PDIA6: variants seen among roughly 807,000 people sequenced by gnomAD.
PDIA6 encodes protein disulfide isomerase family A member 6.
In PDIA6, 29 loss-of-function variants were observed where a neutral mutation model predicts 58.4. That is an observed-to-expected ratio of 0.50 (90% confidence interval 0.37 to 0.68). The LOEUF is 0.68. Among genes scored for constraint, PDIA6 ranks in the 30% least tolerant of loss-of-function variants. The pLI is 0.00. For missense variants in PDIA6, 480 were observed against 551.0 expected (o/e 0.87, Z 1.29); for synonymous variants, 192 against 202.6 (o/e 0.95, Z 0.44).
intron 4 of PDIA6, 92 bp downstream of exon 4, chr2:10,796,989 G>A (rs1332891818): frequency 1.9e-6 from 2 of 1,053,862 alleles, no homozygotes; most frequent in Non-Finnish European, 2.9e-6. Flanking sequence ...ATGAGGTTGA[G>A]AACCTTGCAG....
chr2:10,812,087 T>C (rs1453336309), intron 1 of PDIA6, among the ~76,000 whole-genome samples: 1 of 152,034 alleles, frequency 6.6e-6, no homozygotes, highest in East Asian at 1.9e-4. Flanking sequence ...ATTTTGTATT[T>C]TTAGTAGAGA....
Position 10,803,911 on chromosome 2 carries a change from G to GTTTTTTTTTTTTTT in PDIA6, c.20-1285_20-1272dup, listed in dbSNP as rs754643092. 3.3e-3 allele frequency among the ~76,000 whole-genome samples: 385 copies of GTTTTTTTTTTTTTT among 117,836 alleles called. 18 individuals are homozygous for GTTTTTTTTTTTTTT. The highest frequency in any genetic ancestry group is 5.4e-3 in the Middle Eastern group (1 of 186). The allele number at this position is 117,836 out of a possible 152,430, so 77.3% of individuals were successfully genotyped here. A position where few individuals can be genotyped will look rare whatever the true frequency, so the allele number is the denominator to read the frequency against. ...TGCGTGTTTGTGTCCTAGTTTTTGT[G>GTTTTTTTTTTTTTT]TTTTTTTTTTTTTTTGAGACAGAGT... On this transcript the variant is annotated intron_variant, in intron 1 of 12. Coordinates refer to ENST00000272227, the MANE Select transcript of PDIA6 (RefSeq NM_005742.4).
chr2:10,829,831 C>T (rs1018617612), intron 1 of PDIA6, among the ~76,000 whole-genome samples: 2 of 152,138 alleles, frequency 1.3e-5, no homozygotes, highest in Non-Finnish European at 2.9e-5. Context: ...GATGAGAAGT[C>T]GGGTCAAACA....
At chr2:10,806,010 A>T (rs1168873823) in intron 1 of PDIA6, among the ~76,000 whole-genome samples, 1 of 89,302 alleles carries the variant, frequency 1.1e-5, no homozygotes, top group East Asian at 3.2e-4. Flanking sequence ...TGTACCCTAA[A>T]ACTTAAAGTA....
chr2:10,816,526 CTT>C (rs201746817), upstream of PDIA6, among the ~76,000 whole-genome samples: 240 of 135,050 alleles, frequency 1.8e-3, 2 homozygotes, highest in Non-Finnish European at 2.8e-3. Context: ...TTTGTGCTTT[CTT>C]TTTTTTTTTT....
At chr2:10,806,430 G>C (rs545906781) in intron 1 of PDIA6, among the ~76,000 whole-genome samples, 1 of 147,790 alleles carries the variant, frequency 6.8e-6, no homozygotes, top group Non-Finnish European at 1.5e-5. Context: ...GCGTTTTAAG[G>C]TAAGTGTTTT....
At chr2:10,788,856 A>C in intron 9 of PDIA6, 41 bp downstream of exon 9, 2 of 1,561,298 alleles carry the variant, frequency 1.3e-6, no homozygotes, top group Non-Finnish European at 1.8e-6. Flanking sequence ...CAGAGCATCT[A>C]GCATAGAACA....
chr2:10,785,374 T>C (rs1665670766), intron 11 of PDIA6, among the ~76,000 whole-genome samples: 1 of 152,242 alleles, frequency 6.6e-6, no homozygotes, highest in Non-Finnish European at 1.5e-5. Context: ...GCGAGCTTTC[T>C]AAGACTGCTG....
intron 1 of PDIA6, among the ~76,000 whole-genome samples, chr2:10,807,486 G>A (rs1246562037): frequency 6.6e-6 from 1 of 152,082 alleles, no homozygotes; most frequent in Admixed American, 6.5e-5. Context: ...GACCACGCCA[G>A]GCCAAAATGT....
chr2:10,796,911 T>G (rs1734343), intron 4 of PDIA6, among the ~76,000 whole-genome samples, 170 bp downstream of exon 4: 61,163 of 152,072 alleles, frequency 0.4, 13,521 homozygotes, highest in Middle Eastern at 0.54. Context: ...GTGACACATA[T>G]TTCATCTTCA....
At chr2:10,820,836 A>G (rs1667362692) in intron 1 of PDIA6, 1 of 702,956 alleles carries the variant, frequency 1.4e-6, no homozygotes, top group South Asian at 1.5e-5. Context: ...GCACACCCAC[A>G]CAAGCTTCTC....
chr2:10,837,539 G>A (rs1204968558), exon 1 of PDIA6: 4 of 725,378 alleles, frequency 5.5e-6, no homozygotes, highest in South Asian at 1.5e-5. Flanking sequence ...TCCGAGCGCC[G>A]TGCAAGTATC....
At chr2:10,813,369 C>A (rs982267434), upstream of PDIA6, among the ~76,000 whole-genome samples, 2 of 152,250 alleles carry the variant, frequency 1.3e-5, no homozygotes, top group African/African-American at 4.8e-5. Flanking sequence ...CTGGAGAACC[C>A]CAGGGACTTA....
At chr2:10,834,732 C>CTCCCTCTCTCCCTCCCT (rs1217424185), upstream of PDIA6, among the ~76,000 whole-genome samples, 1 of 36,414 alleles carries the variant, frequency 2.7e-5, no homozygotes, top group Non-Finnish European at 5.2e-5. Flanking sequence ...CCTTCCTTCC[C>CTCCCTCTCTCCCTCCCT]TCCTTCCTTC....
upstream of PDIA6, chr2:10,832,625 T>A (rs1667740541): frequency 6.2e-6 from 1 of 160,742 alleles, no homozygotes; most frequent in Non-Finnish European, 1.3e-5. Flanking sequence ...AGATACAATA[T>A]TTACACTAAA....
intron 2 of PDIA6, among the ~76,000 whole-genome samples, chr2:10,802,282 A>G (rs1666543255): frequency 6.6e-6 from 1 of 152,172 alleles, no homozygotes; most frequent in Admixed American, 6.5e-5. Context: ...CTTCCTCATA[A>G]AAGCAGTTTT....
chr2:10,790,616 T>C, intron 7 of PDIA6, 103 bp downstream of exon 7: 1 of 791,534 alleles, frequency 1.3e-6, no homozygotes, highest in Admixed American at 2.3e-5. Context: ...ACAAAATGGT[T>C]TAAACATCTC....
At chr2:10,817,775 G>A (rs981585591), upstream of PDIA6, among the ~76,000 whole-genome samples, 5 of 152,206 alleles carry the variant, frequency 3.3e-5, no homozygotes, top group African/African-American at 4.8e-5. Flanking sequence ...TAGAATGACC[G>A]GGAAGATCAG....
At chr2:10,800,428 T>C (rs1450946041) in intron 2 of PDIA6, among the ~76,000 whole-genome samples, 2 of 152,166 alleles carry the variant, frequency 1.3e-5, no homozygotes, top group Admixed American at 1.3e-4. Flanking sequence ...GTCCCAAGCA[T>C]TTCAGATAAG....
Sources: allele counts gnomAD v4.1 joint callset (sites outside exome capture counted in the v4.1 genomes callset), GRCh38; gene constraint gnomAD v4.1.1; transcripts MANE v1.5; gene names NCBI Gene and HGNC (gene_info 2026-07-23, HGNC 2026-07-21).